ABCB4: variants seen among roughly 807,000 people sequenced by gnomAD.
ABCB4 encodes the protein ATP binding cassette subfamily B member 4.
ABCB4 carries 76 observed loss-of-function variants against 145.7 expected under a neutral mutation model. That is an observed-to-expected ratio of 0.52 (90% CI 0.43 to 0.63). The LOEUF (loss-of-function observed/expected upper bound fraction) is 0.63, where lower values mean the gene tolerates loss of function less well. ABCB4 is among the 30% of genes least tolerant of loss of function. The pLI is 0.00. For missense variants in ABCB4, 1,234 were observed against 1,553.1 expected (o/e 0.79, Z 3.45); for synonymous variants, 517 against 566.8 (o/e 0.91, Z 1.25).
chr7:87,403,122 A>G lies in ABCB4; in HGVS notation c.3633+13T>C, dbSNP rs1354023819. 6 of 1,613,844 alleles carry G rather than the reference A, an allele frequency of 3.7e-6. No individual in the cohort carries two copies. The highest frequency in any genetic ancestry group is 5.1e-6 in the Non-Finnish European group (6 of 1,179,876). On this transcript the variant is annotated intron_variant, in intron 27 of 27. Transcript: ENST00000649586. ...TAAATTAAATAAGACATAAGTTGGG[A>G]GGCCACACACACCTTTTCACTTTCA... is the stretch of plus-strand genomic sequence containing the variant.
At chr7:87,423,871 T>C (rs369555159) in intron 17 of ABCB4, 35 bp downstream of exon 17, 5 of 1,613,540 alleles carry the variant, frequency 3.1e-6, no homozygotes, top group Non-Finnish European at 4.2e-6. Flanking sequence ...TGAATTGATC[T>C]AATTCAGGCT....
downstream of ABCB4, among the ~76,000 whole-genome samples, chr7:87,397,384 C>CA (rs1478938199): frequency 6.6e-6 from 1 of 151,570 alleles, no homozygotes; most frequent in Non-Finnish European, 1.5e-5. Context: ...ATTTGACAGG[C>CA]AAAAAATAAC....
rs1260576480 is a variant in ABCB4, at chr7:87,453,116, C to G, written c.364G>C (p.Gly122Arg). Reference sequence around the variant, plus strand: ...GCAACAAGAACTCCAGCACCCAATCCTGAGTAGTAATATGCATATCTGAAA... The same window carrying G: ...GCAACAAGAACTCCAGCACCCAATCGTGAGTAGTAATATGCATATCTGAAA... ...EMTRYAYYYSGLGAGVLVAAY... is the reference protein window; with the variant it reads ...EMTRYAYYYSRLGAGVLVAAY... The change falls in exon 6 of 28, where the codon GGA becomes CGA. Residue 122 changes from glycine (G) to arginine (R), a missense_variant. This residue lies in a region of ABCB4 where 467 missense variants were observed against 632.8 expected (regional missense o/e 0.74). Coordinates refer to ENST00000649586, the MANE Select transcript of ABCB4 (RefSeq NM_000443.4). 1 of 1,613,986 alleles carries G rather than the reference C, an allele frequency of 6.2e-7. No homozygotes were observed. The highest frequency in any genetic ancestry group is 1.1e-5 in the South Asian group (1 of 91,070).
intron 21 of ABCB4, 121 bp from the exon 22 acceptor site, chr7:87,413,838 T>G: frequency 1.3e-6 from 1 of 741,976 alleles, no homozygotes; most frequent in East Asian, 2.5e-5. Flanking sequence ...TTAATTTCCT[T>G]TAAATTAAAA....
At position 87,475,475 on chromosome 7, in the gene ABCB4, A is replaced by G. The variant is rs8187785; in HGVS notation, c.-6-4T>C. On this transcript the variant is annotated splice_polypyrimidine_tract_variant and splice_region_variant and intron_variant, in intron 1 of 27. Coordinates refer to ENST00000649586, the MANE Select transcript of ABCB4 (RefSeq NM_000443.4). ...CCGCCTCAAGATCCATCTCAGCCTG[A>G]GGAGAAACCACAGCCTCAGAACCAA... 3,459 of 1,614,078 alleles carry G rather than the reference A, an allele frequency of 2.1e-3. 70 individuals are homozygous for G. The African/African-American group carries it at 0.041, about 19-fold the overall frequency.
Position 87,433,688 on chromosome 7 carries a change from T to TTTG in ABCB4, c.1732-2124_1732-2123insCAA, listed in dbSNP as rs1367982402. Among the ~76,000 whole-genome samples the TTTG allele has an allele frequency of 2.7e-5, 4 of 150,314 alleles. No homozygotes were observed. In the East Asian group the frequency reaches 7.7e-4, roughly 29 times the overall value. ...AAAATTGTTGTTGTTTTTTTTTTTT[T>TTTG]TTTTTTCAGAGCTCCCAGACACCCT... On this transcript the variant is annotated intron_variant, in intron 14 of 27. Transcript: ENST00000649586.
At chr7:87,435,628 G>C in intron 14 of ABCB4, among the ~76,000 whole-genome samples, 1 of 152,328 alleles carries the variant, frequency 6.6e-6, no homozygotes, top group East Asian at 1.9e-4. Context: ...AGGCACATGA[G>C]TGAGGCCACT....
intron 11 of ABCB4, 71 bp from the exon 12 acceptor site, chr7:87,443,515 T>C: frequency 6.3e-7 from 1 of 1,598,076 alleles, no homozygotes; most frequent in Non-Finnish European, 8.5e-7. Flanking sequence ...TCGATTCAGT[T>C]TGAAATTTGA....
chr7:87,454,207 A>G (rs938003559), intron 5 of ABCB4, among the ~76,000 whole-genome samples: 1 of 152,222 alleles, frequency 6.6e-6, no homozygotes, highest in Non-Finnish European at 1.5e-5. Flanking sequence ...GAGAAACTAG[A>G]AGGAGGAGAA....
At chr7:87,382,578 G>A in the ABCB4 span, 1 of 1,589,856 alleles carries the variant, frequency 6.3e-7, no homozygotes, top group African/African-American at 1.4e-5. Context: ...TCACAGTCTT[G>A]AAGTCCAAGG....
chr7:87,367,480 G>T, the ABCB4 span, among the ~76,000 whole-genome samples: 5 of 152,170 alleles, frequency 3.3e-5, no homozygotes, highest in Non-Finnish European at 7.4e-5. Flanking sequence ...TAATAAATTT[G>T]TGTTGTTTTA....
chr7:87,384,253 C>T, the ABCB4 span, among the ~76,000 whole-genome samples: 1 of 152,128 alleles, frequency 6.6e-6, no homozygotes. Flanking sequence ...TCATTTGTCA[C>T]TGGGCGCATG....
At chr7:87,370,326 G>T in the ABCB4 span, among the ~76,000 whole-genome samples, 1 of 152,012 alleles carries the variant, frequency 6.6e-6, no homozygotes, top group Non-Finnish European at 1.5e-5. Context: ...AGGATTATAG[G>T]TGCGCACCAC....
chr7:87,386,670 G>A, the ABCB4 span, among the ~76,000 whole-genome samples: 1,139 of 152,236 alleles, frequency 7.5e-3, 15 homozygotes, highest in African/African-American at 0.025. Context: ...GCAACGAAAG[G>A]ATACCCTGGC....
At chr7:87,429,307 C>G (rs1207998928) in intron 15 of ABCB4, among the ~76,000 whole-genome samples, 2 of 152,228 alleles carry the variant, frequency 1.3e-5, no homozygotes, top group Admixed American at 6.5e-5. Context: ...TTACCTGAAG[C>G]CCCTGCTCAT....
At chr7:87,466,370 G>T (rs942600581) in intron 3 of ABCB4, among the ~76,000 whole-genome samples, 3 of 152,082 alleles carry the variant, frequency 2.0e-5, no homozygotes, top group East Asian at 3.9e-4. Context: ...AAAGAAACAA[G>T]CAAAGCCTCC....
Position 87,409,312 on chromosome 7 carries a change from A to G in ABCB4, c.3005T>C (p.Leu1002Pro). The change falls in exon 24 of 28, where the codon CTG becomes CCG. Residue 1002 changes from leucine (L) to proline (P), a missense_variant. Physicochemically the swap from Leu to Pro is moderately conservative, Grantham distance 98. Coordinates refer to ENST00000649586, the MANE Select transcript of ABCB4 (RefSeq NM_000443.4). ...CAGCATGAATAAGTGGGCTGCAGAC[A>G]GCTTAGCTTTAGCATAGTCTGGAGC... ...SFAPDYAKAK[L>P]SAAHLFMLFE... 1 of 1,614,144 alleles carries G rather than the reference A, an allele frequency of 6.2e-7. No individual in the cohort carries two copies. Among genetic ancestry groups the G allele is most frequent in the Middle Eastern group, 1.6e-4 (1 of 6,062 alleles).
intron 4 of ABCB4, among the ~76,000 whole-genome samples, chr7:87,458,794 C>T (rs908146801): frequency 7.9e-5 from 12 of 151,976 alleles, no homozygotes; most frequent in African/African-American, 2.7e-4. Context: ...TACAGGGTAC[C>T]AAGCATCATA....
chr7:87,466,286 A>G (rs959817183), intron 3 of ABCB4, among the ~76,000 whole-genome samples: 4 of 152,196 alleles, frequency 2.6e-5, no homozygotes, highest in African/African-American at 9.7e-5. Flanking sequence ...ATCAAGTGGA[A>G]GAAAGGGTAT....
Sources: gnomAD v4.1 joint callset for allele counts (sites outside exome capture counted in the v4.1 genomes callset) on GRCh38, gnomAD v4.1.1 for gene constraint, gnomAD v4.1.1 regional missense constraint, MANE v1.5 for transcripts, NCBI Gene and HGNC (gene_info 2026-07-23, HGNC 2026-07-21) for gene names.